ASTN2: variants seen among roughly 807,000 people sequenced by gnomAD.
ASTN2 encodes the protein astrotactin-2.
In ASTN2, 54 loss-of-function variants were observed where a neutral mutation model predicts 139.8. That is an observed-to-expected ratio of 0.39 (90% CI 0.31 to 0.48). The LOEUF (loss-of-function observed/expected upper bound fraction) is 0.48. Ranked by LOEUF, ASTN2 falls within the 20% of genes least tolerant of loss-of-function variation. The probability of loss-of-function intolerance (pLI) is 0.95; values close to 1 mark genes in which losing one functional copy is unlikely to be tolerated. For missense variants in ASTN2, 1,565 were observed against 1,725.1 expected, an observed-to-expected ratio of 0.91 and a Z score of 1.64; for synonymous variants, 756 against 719.5, an observed-to-expected ratio of 1.05 and a Z score of -0.81.
intron 10 of ASTN2, among the ~76,000 whole-genome samples, chr9:116,904,946 C>G (rs1327409673): frequency 6.6e-6 from 1 of 152,142 alleles, no homozygotes; most frequent in African/African-American, 2.4e-5. Flanking sequence ...CCCTTCCACC[C>G]TCCGCACCCC....
intron 16 of ASTN2, 54 bp downstream of exon 16, chr9:116,725,717 C>G: frequency 6.4e-7 from 1 of 1,569,520 alleles, no homozygotes; most frequent in East Asian, 2.2e-5. Context: ...TCCCCAGACC[C>G]CTTGCCTCTA....
At chr9:117,236,141 A>G (rs1168336696) in intron 2 of ASTN2, among the ~76,000 whole-genome samples, 3 of 152,242 alleles carry the variant, frequency 2.0e-5, no homozygotes, top group Non-Finnish European at 2.9e-5. Flanking sequence ...CAAATGAGTT[A>G]TCCAAGACCC....
chr9:116,625,508 C>T (rs139149330), intron 17 of ASTN2, among the ~76,000 whole-genome samples: 97 of 152,266 alleles, frequency 6.4e-4, no homozygotes, highest in Middle Eastern at 3.4e-3. Context: ...AGGCACTTGC[C>T]GTGGCCTTTG....
At chr9:116,970,640 T>A (rs563619122) in intron 10 of ASTN2, among the ~76,000 whole-genome samples, 15 of 152,350 alleles carry the variant, frequency 9.8e-5, no homozygotes, top group Non-Finnish European at 2.1e-4. Flanking sequence ...AAATTCTCAG[T>A]ACTTGGAATT....
At chr9:117,058,002 A>G (rs1182160465) in intron 5 of ASTN2, among the ~76,000 whole-genome samples, 2 of 152,202 alleles carry the variant, frequency 1.3e-5, no homozygotes, top group East Asian at 3.8e-4. Flanking sequence ...TTGTTTTTAT[A>G]GTCTAATTTC....
chr9:117,177,835 G>T (rs1351178995), intron 3 of ASTN2, among the ~76,000 whole-genome samples: 2 of 152,144 alleles, frequency 1.3e-5, no homozygotes, highest in Non-Finnish European at 2.9e-5. Context: ...AATCCTCCAT[G>T]CTTCCTTTAG....
At chr9:117,254,044 G>A (rs901879708) in intron 2 of ASTN2, among the ~76,000 whole-genome samples, 5 of 152,126 alleles carry the variant, frequency 3.3e-5, no homozygotes, top group African/African-American at 1.2e-4. Context: ...GTCTGGCAGG[G>A]GAGGTGAAGG....
At chr9:117,070,859 A>G (rs1016686604) in intron 5 of ASTN2, among the ~76,000 whole-genome samples, 2 of 150,898 alleles carry the variant, frequency 1.3e-5, no homozygotes, top group Non-Finnish European at 3.0e-5. Flanking sequence ...TTTCAGCTCC[A>G]TCAGCTCCTT....
intron 3 of ASTN2, among the ~76,000 whole-genome samples, chr9:117,159,953 C>T (rs968947765): frequency 2.0e-5 from 3 of 152,004 alleles, no homozygotes; most frequent in African/African-American, 7.2e-5. Flanking sequence ...TTCAGGTTTA[C>T]TTCATGTCTC....
At chr9:117,048,752 T>C (rs1838820103) in intron 5 of ASTN2, among the ~76,000 whole-genome samples, 1 of 152,208 alleles carries the variant, frequency 6.6e-6, no homozygotes, top group South Asian at 2.1e-4. Context: ...TTGGCATTGC[T>C]GTTATCCCCA....
At chr9:116,430,646 ATATT>A (rs1847467461) in intron 22 of ASTN2, among the ~76,000 whole-genome samples, 1 of 152,214 alleles carries the variant, frequency 6.6e-6, no homozygotes, top group Non-Finnish European at 1.5e-5. Context: ...GAAAATAGAA[ATATT>A]TATTTTGTAG....
At chr9:116,982,901 G>C (rs1406246387) in intron 7 of ASTN2, among the ~76,000 whole-genome samples, 1 of 152,128 alleles carries the variant, frequency 6.6e-6, no homozygotes, top group Non-Finnish European at 1.5e-5. Flanking sequence ...GGAGGTATGG[G>C]CACGGACAAG....
intron 7 of ASTN2, among the ~76,000 whole-genome samples, chr9:116,977,168 G>A (rs890750540): frequency 2.6e-5 from 4 of 152,070 alleles, no homozygotes; most frequent in Admixed American, 6.6e-5. Flanking sequence ...TTACTCTAGA[G>A]GTATAATCAG....
intron 2 of ASTN2, among the ~76,000 whole-genome samples, chr9:117,266,490 T>G (rs1252052319): frequency 1.3e-5 from 2 of 152,134 alleles, no homozygotes; most frequent in African/African-American, 4.8e-5. Flanking sequence ...CCATCAACAT[T>G]AGAATGCGAA....
At chr9:117,228,350 C>T (rs906715244) in intron 2 of ASTN2, among the ~76,000 whole-genome samples, 2 of 152,118 alleles carry the variant, frequency 1.3e-5, no homozygotes, top group African/African-American at 4.8e-5. Context: ...TATCCATCAA[C>T]CTTTTTCAAA....
chr9:116,685,046 C>G (rs536521461), intron 16 of ASTN2, among the ~76,000 whole-genome samples: 2 of 152,298 alleles, frequency 1.3e-5, no homozygotes, highest in African/African-American at 4.8e-5. Flanking sequence ...ACATTAGCCA[C>G]AAGATTAGAA....
chr9:116,962,447 T>C (rs568866462), intron 10 of ASTN2, among the ~76,000 whole-genome samples: 54 of 152,314 alleles, frequency 3.5e-4, no homozygotes, highest in African/African-American at 1.2e-3. Context: ...TTGGTTTAAC[T>C]TGTGTAGCCT....
At chr9:116,858,449 G>A (rs917696608) in intron 11 of ASTN2, among the ~76,000 whole-genome samples, 3 of 152,168 alleles carry the variant, frequency 2.0e-5, no homozygotes, top group African/African-American at 7.2e-5. Flanking sequence ...TCAGGGGGCA[G>A]CAGTTACTTA....
intron 19 of ASTN2, among the ~76,000 whole-genome samples, chr9:116,548,132 G>A (rs1056700769): frequency 5.3e-5 from 8 of 152,216 alleles, no homozygotes; most frequent in East Asian, 1.9e-4. Context: ...AGCCAGGAGC[G>A]ATTCCCGTAA....
Sources: gnomAD v4.1 joint callset for allele counts (sites outside exome capture counted in the v4.1 genomes callset) on GRCh38, gnomAD v4.1.1 for gene constraint, MANE v1.5 for transcripts, NCBI Gene and HGNC (gene_info 2026-07-23, HGNC 2026-07-21) for gene names.